CFAP46: variants seen among roughly 807,000 people sequenced by gnomAD.
The protein encoded by CFAP46 is cilia- and flagella-associated protein 46.
In CFAP46, 245 loss-of-function variants were observed where a neutral mutation model predicts 325.7. The observed-to-expected ratio is 0.75, with a 90% confidence interval of 0.68 to 0.84. The LOEUF (loss-of-function observed/expected upper bound fraction) is 0.84. Among genes scored for constraint, CFAP46 ranks in the 40% least tolerant of loss-of-function variants. CFAP46 has a pLI of 0.00. For missense variants in CFAP46, 3,346 were observed against 3,543.0 expected (o/e 0.94, Z 1.41); for synonymous variants, 1,523 against 1,495.9 (o/e 1.02, Z -0.42).
rs1249645200 is a variant in CFAP46 at position 132,912,805 on chromosome 10, C to T, written c.2349G>A (p.Leu783=). 3.2e-6 allele frequency: 5 copies of T among 1,549,152 alleles called. No individual in the cohort carries two copies. The highest frequency in any genetic ancestry group is 3.5e-6 in the Non-Finnish European group (4 of 1,146,618). ...GCGCCAAGGTGTTGCAGAGCGTCAC[C>T]AGCATCACGGGGTCCCTGGGAGACA... ...ATGHSGDPVM[L]VTLCNTLARG... Residue 783 remains leucine, a synonymous_variant, in exon 19 of 58, where the codon CTG becomes CTA. Transcript: ENST00000368586.
chr10:132,922,749 C>G (rs752084023), intron 11 of CFAP46, 41 bp from the exon 12 acceptor site: 2 of 1,481,682 alleles, frequency 1.3e-6, no homozygotes, highest in Middle Eastern at 1.8e-4. Flanking sequence ...GGCGGCGCTG[C>G]GCCTCTGTCA....
rs749565211 is a variant in CFAP46 at position 132,884,772 on chromosome 10, G to A, written c.3627+331C>T. ...TGCCTGCTCTCCTCTGCAGCCACCC[G>A]CCCATCGGGGCCCTGGTGCCACCAG... is the stretch of plus-strand genomic sequence containing the variant. On this transcript the variant is annotated intron_variant, in intron 27 of 57. Coordinates refer to ENST00000368586, the MANE Select transcript of CFAP46 (RefSeq NM_001200049.3). This position sits in a 1 kb window ranked among gnomAD's most constrained non-coding sequence, Gnocchi z 5.4. Among the ~76,000 whole-genome samples the A allele has an allele frequency of 4.5e-4, 68 of 152,048 alleles. No homozygotes were observed. The highest frequency in any genetic ancestry group is 7.7e-4 in the Non-Finnish European group (52 of 67,938).
chr10:132,840,313 T>C (rs968258879), intron 44 of CFAP46, among the ~76,000 whole-genome samples: 1 of 152,236 alleles, frequency 6.6e-6, no homozygotes, highest in Admixed American at 6.5e-5. Context: ...TGGGTCTTTT[T>C]CTTACTGATA....
chr10:132,825,260 GTGC>G (rs1000360543), intron 50 of CFAP46, among the ~76,000 whole-genome samples: 2 of 149,392 alleles, frequency 1.3e-5, no homozygotes, highest in African/African-American at 2.5e-5. Context: ...TGCTGTGTGA[GTGC>G]TGATGTGTGC....
At chr10:132,915,882 C>T (rs61863091) in intron 17 of CFAP46, among the ~76,000 whole-genome samples, 92 of 152,256 alleles carry the variant, frequency 6.0e-4, no homozygotes, top group African/African-American at 2.1e-3. Context: ...CAGATCAAAA[C>T]GTCACTATGC....
intron 19 of CFAP46, among the ~76,000 whole-genome samples, chr10:132,912,118 A>ACCC (rs1348177473): frequency 2.8e-5 from 1 of 36,290 alleles, no homozygotes; most frequent in African/African-American, 1.2e-4. Context: ...CTCTCCCTCC[A>ACCC]CCCCCACCCC....
chr10:132,921,989 T>C (rs1849730659), intron 13 of CFAP46, 115 bp downstream of exon 13: 1 of 1,314,914 alleles, frequency 7.6e-7, no homozygotes, highest in Non-Finnish European at 1.0e-6. Flanking sequence ...GCAAGGTCCT[T>C]GTGCATCCAG....
chr10:132,853,458 A>G (rs953804897), intron 39 of CFAP46, among the ~76,000 whole-genome samples: 1 of 152,198 alleles, frequency 6.6e-6, no homozygotes, highest in African/African-American at 2.4e-5. Flanking sequence ...CTCACAAGGA[A>G]TGCTGGTCAG....
chr10:132,817,016 A>G lies in CFAP46; in HGVS notation c.7118-2102T>C, dbSNP rs1847708417. 6.6e-6 allele frequency among the ~76,000 whole-genome samples: 1 copy of G among 152,214 alleles called. No homozygotes were observed. Among genetic ancestry groups the G allele is most frequent in the South Asian group, 2.1e-4 (1 of 4,822 alleles). On this transcript the variant is annotated intron_variant, in intron 50 of 57. Coordinates refer to ENST00000368586, the MANE Select transcript of CFAP46 (RefSeq NM_001200049.3). This position sits in a 1 kb window ranked among gnomAD's most constrained non-coding sequence, Gnocchi z 4.4. ...TTGAGGCACAGAGTTCCATGTCTCTATTAAGCCAAGATTGTTAATTATGTC... is the reference window on the plus strand; with the variant it reads ...TTGAGGCACAGAGTTCCATGTCTCTGTTAAGCCAAGATTGTTAATTATGTC...
intron 34 of CFAP46, 128 bp from the exon 35 acceptor site, chr10:132,866,299 C>T (rs1007017991): frequency 9.8e-7 from 1 of 1,019,270 alleles, no homozygotes; most frequent in African/African-American, 1.7e-5. Flanking sequence ...GGGCTCCCTG[C>T]TGGCCTAGGC....
At chr10:132,821,087 G>GCA (rs199524372) in intron 50 of CFAP46, among the ~76,000 whole-genome samples, 1 of 132,506 alleles carries the variant, frequency 7.5e-6, no homozygotes. Flanking sequence ...TGCTGTGTGT[G>GCA]CTGATGTGTG....
chr10:132,885,936 G>T lies in CFAP46; in HGVS notation c.3328C>A (p.Arg1110Ser). The T allele has an allele frequency of 6.5e-7, 1 of 1,549,954 alleles. No homozygotes were observed. The highest frequency in any genetic ancestry group is 8.7e-7 in the Non-Finnish European group (1 of 1,146,602). The change falls in exon 26 of 58, where the codon CGT becomes AGT. Residue 1110 changes from arginine to serine, a missense_variant. Physicochemically the swap from Arg to Ser is moderately radical, Grantham distance 110 (BLOSUM62 -1). Coordinates refer to ENST00000368586, the MANE Select transcript of CFAP46 (RefSeq NM_001200049.3). ...LPGAEDDLAL[R>S]AALYGLLFHS... Reference sequence around the variant, plus strand: ...AAGAGCAGGCCGTAGAGCGCAGCACGGAGCGCCAGGTCGTCCTCAGCCCCT... The same window carrying T: ...AAGAGCAGGCCGTAGAGCGCAGCACTGAGCGCCAGGTCGTCCTCAGCCCCT...
Position 132,908,616 on chromosome 10 carries a change from C to A in CFAP46, c.2776G>T (p.Glu926Ter). ...ACCAGGGGGTCCGACCAGTTGCACT[C>A]GGAAGCCATTTTCACCAACTTCCGG... ...SLAQLVKMAS[E>*]CNWSDPLVEL... Residue 926 changes from glutamate (E) to a stop codon, truncating the protein, a stop_gained, in exon 22 of 58, where the codon GAG becomes TAG. Transcript: ENST00000368586. LOFTEE classifies it high-confidence loss of function. The A allele has an allele frequency of 6.5e-7, 1 of 1,537,898 alleles. No homozygotes were observed. The highest frequency in any genetic ancestry group is 8.8e-7 in the Non-Finnish European group (1 of 1,139,812).
intron 35 of CFAP46, among the ~76,000 whole-genome samples, chr10:132,864,250 G>A (rs1384279158): frequency 9.8e-5 from 10 of 101,618 alleles, no homozygotes; most frequent in African/African-American, 3.3e-4. Context: ...GCACACACCC[G>A]TCCCCAGTGT....
Position 132,889,706 on chromosome 10 carries a change from A to C in CFAP46, c.3304+2627T>G, listed in dbSNP as rs1484105635. Among the ~76,000 whole-genome samples, 1 of 152,066 alleles carries C rather than the reference A, an allele frequency of 6.6e-6. No homozygotes were observed. Among genetic ancestry groups the C allele is most frequent in the African/African-American group, 2.4e-5 (1 of 41,400 alleles). ...TGCAGCCGGACCCCACCCCTCATGCATTCCTGTGGACCGTCTCCTCCTCCC... is the reference window on the plus strand; with the variant it reads ...TGCAGCCGGACCCCACCCCTCATGCCTTCCTGTGGACCGTCTCCTCCTCCC... On this transcript the variant is annotated intron_variant, in intron 25 of 57. Coordinates refer to ENST00000368586, the MANE Select transcript of CFAP46 (RefSeq NM_001200049.3). The surrounding 1 kb of genome is among the most constrained non-coding windows in gnomAD (Gnocchi z 6.0).
At chr10:132,848,169 G>T (rs1848472795) in intron 41 of CFAP46, among the ~76,000 whole-genome samples, 1 of 152,184 alleles carries the variant, frequency 6.6e-6, no homozygotes, top group African/African-American at 2.4e-5. Flanking sequence ...CATTAAACAG[G>T]AAGTCAGTCA....
intron 5 of CFAP46, among the ~76,000 whole-genome samples, chr10:132,938,336 C>T (rs1198518613): frequency 6.6e-6 from 1 of 152,256 alleles, no homozygotes; most frequent in Admixed American, 6.5e-5. Flanking sequence ...ATCTGCTTTG[C>T]TGGGAGTCTA....
intron 7 of CFAP46, 96 bp from the exon 8 acceptor site, chr10:132,934,958 C>T: frequency 1.2e-6 from 1 of 840,202 alleles, no homozygotes; most frequent in Admixed American, 2.1e-5. Flanking sequence ...TTGTGTTTCT[C>T]ACTGAAGAGG....
intron 50 of CFAP46, among the ~76,000 whole-genome samples, chr10:132,818,658 G>T (rs778521209): frequency 6.6e-6 from 1 of 152,106 alleles, no homozygotes; most frequent in Non-Finnish European, 1.5e-5. Context: ...TTTGAGACCA[G>T]CCTGACCAAC....
Sources: allele counts gnomAD v4.1 joint callset (sites outside exome capture counted in the v4.1 genomes callset), GRCh38; gene constraint gnomAD v4.1.1; non-coding constraint Gnocchi (gnomAD v3.1); transcripts MANE v1.5; gene names NCBI Gene and HGNC (gene_info 2026-07-23, HGNC 2026-07-21).